Variants in SLC38A9 observed in about 807,000 individuals in gnomAD.
The protein encoded by SLC38A9 is solute carrier family 38 member 9, also known as neutral amino acid transporter 9.
Under a neutral mutation model 62.3 loss-of-function variants are expected in SLC38A9, and 48 were observed. That is an observed-to-expected ratio of 0.77 (90% CI 0.61 to 0.98). The LOEUF (loss-of-function observed/expected upper bound fraction) is 0.98, where lower values mean the gene tolerates loss of function less well. Ranked by LOEUF, SLC38A9 falls within the 50% of genes least tolerant of loss-of-function variation. The pLI is 0.00. For missense variants in SLC38A9, 541 were observed against 679.8 expected (o/e 0.80, Z 2.27); for synonymous variants, 204 against 227.7 (o/e 0.90, Z 0.94).
In SLC38A9 at chr5:55,697,895, G is replaced by A. The variant is rs780361798; in HGVS notation, c.64C>T (p.Pro22Ser). The A allele has an allele frequency of 1.9e-6, 3 of 1,599,608 alleles. No individual in the cohort carries two copies. Among genetic ancestry groups the A allele is most frequent in the Non-Finnish European group, 8.5e-7 (1 of 1,175,788 alleles). Residue 22 changes from proline (P) to serine (S), a missense_variant, in exon 3 of 16, where the codon CCT becomes TCT. Physicochemically the swap from Pro to Ser is moderately conservative, Grantham distance 74. Transcript: ENST00000396865. Reference protein sequence around the residue: ...GTSEVDHERDPGPMNIQFEPS... With the variant: ...GTSEVDHERDSGPMNIQFEPS... ...TCAAACTGGATATTCATAGGTCCAG[G>A]ATCTCTTTCATGATCTACCTCAGAG...
intron 3 of SLC38A9, among the ~76,000 whole-genome samples, chr5:55,679,992 G>A (rs765071031): frequency 8.5e-5 from 13 of 152,134 alleles, no homozygotes; most frequent in Non-Finnish European, 1.8e-4. Context: ...TATAAATAAA[G>A]AGTAACTGCA....
chr5:55,650,420 A>G (rs992401018), intron 10 of SLC38A9, among the ~76,000 whole-genome samples: 2 of 152,248 alleles, frequency 1.3e-5, no homozygotes, highest in African/African-American at 4.8e-5. Context: ...GAATATCCTT[A>G]AGGAGCTGAA....
At chr5:55,629,579 T>G (rs1021213083) in intron 14 of SLC38A9, among the ~76,000 whole-genome samples, 1 of 152,318 alleles carries the variant, frequency 6.6e-6, no homozygotes, top group African/African-American at 2.4e-5. Flanking sequence ...GAAAAGTACC[T>G]GTGTGGCTGA....
At chr5:55,636,836 T>C (rs1744464374) in intron 12 of SLC38A9, among the ~76,000 whole-genome samples, 1 of 152,336 alleles carries the variant, frequency 6.6e-6, no homozygotes, top group East Asian at 1.9e-4. Flanking sequence ...TAAAGGCTTA[T>C]GCAGATTGGT....
intron 3 of SLC38A9, among the ~76,000 whole-genome samples, chr5:55,680,870 A>C (rs1292528796): frequency 1.3e-5 from 2 of 152,264 alleles, no homozygotes; most frequent in Non-Finnish European, 2.9e-5. Flanking sequence ...GCCTGATCAG[A>C]ATCTATTGCT....
At chr5:55,649,071 T>G in intron 11 of SLC38A9, 136 bp downstream of exon 11, 1 of 481,668 alleles carries the variant, frequency 2.1e-6, no homozygotes, top group South Asian at 5.1e-5. Flanking sequence ...TAATCTCAAC[T>G]GTAGTCCTGT....
intron 3 of SLC38A9, chr5:55,696,513 G>C (rs1296367009): frequency 2.3e-5 from 1 of 42,916 alleles, no homozygotes; most frequent in Admixed American, 1.9e-4. Flanking sequence ...GCGGCTGGCC[G>C]GGCGGGGGGC....
At chr5:55,647,347 G>A (rs1469128199) in intron 11 of SLC38A9, among the ~76,000 whole-genome samples, 1 of 152,102 alleles carries the variant, frequency 6.6e-6, no homozygotes, top group Non-Finnish European at 1.5e-5. Flanking sequence ...ATGATTTTAT[G>A]TAGAATAAAA....
intron 4 of SLC38A9, among the ~76,000 whole-genome samples, chr5:55,671,434 G>C (rs1353380319): frequency 6.6e-6 from 1 of 150,924 alleles, no homozygotes; most frequent in Non-Finnish European, 1.5e-5. Context: ...TCCTGGTTTT[G>C]ATCAATAAAA....
At chr5:55,701,867 A>C (rs1252763297) in intron 2 of SLC38A9, among the ~76,000 whole-genome samples, 1 of 152,214 alleles carries the variant, frequency 6.6e-6, no homozygotes, top group East Asian at 1.9e-4. Context: ...TTGGAATTAA[A>C]AACGAGGCAG....
chr5:55,670,703 G>A (rs1751170091), intron 4 of SLC38A9, among the ~76,000 whole-genome samples: 1 of 152,104 alleles, frequency 6.6e-6, no homozygotes, highest in South Asian at 2.1e-4. Flanking sequence ...TATACATGCA[G>A]GTATAAACTT....
chr5:55,676,693 A>G (rs1442518318), intron 3 of SLC38A9, among the ~76,000 whole-genome samples: 1 of 152,174 alleles, frequency 6.6e-6, no homozygotes, highest in Non-Finnish European at 1.5e-5. Context: ...ACTGCTCCGA[A>G]TTTGAAGACT....
chr5:55,656,341 T>C (rs943656589), intron 9 of SLC38A9, among the ~76,000 whole-genome samples: 9 of 151,790 alleles, frequency 5.9e-5, no homozygotes, highest in East Asian at 1.9e-4. Context: ...ACTAAAACAA[T>C]AGACCTCTAA....
chr5:55,697,502 T>C (rs1464772315), intron 3 of SLC38A9, among the ~76,000 whole-genome samples: 1 of 152,186 alleles, frequency 6.6e-6, no homozygotes, highest in African/African-American at 2.4e-5. Context: ...ATGAAGATTT[T>C]CTATTACTTT....
chr5:55,708,849 G>A (rs1757634995), intron 2 of SLC38A9, among the ~76,000 whole-genome samples: 1 of 152,168 alleles, frequency 6.6e-6, no homozygotes, highest in Admixed American at 6.5e-5. Context: ...GCATGGCTGT[G>A]TTCCAATAGA....
chr5:55,662,103 A>C (rs1039177503), intron 8 of SLC38A9, among the ~76,000 whole-genome samples: 1 of 152,230 alleles, frequency 6.6e-6, no homozygotes, highest in Non-Finnish European at 1.5e-5. Context: ...TAAGGTTGAA[A>C]ATGTGAATAT....
At chr5:55,635,276 T>G (rs1031513892) in intron 13 of SLC38A9, 1 of 482,840 alleles carries the variant, frequency 2.1e-6, no homozygotes, top group African/African-American at 1.9e-5. Flanking sequence ...TTTATTTGAG[T>G]ACCACAAGGT....
chr5:55,692,429 T>C (rs1335583151), intron 3 of SLC38A9, among the ~76,000 whole-genome samples: 1 of 151,588 alleles, frequency 6.6e-6, no homozygotes, highest in Non-Finnish European at 1.5e-5. Context: ...TTTATATATG[T>C]AATGTGAAGT....
intron 3 of SLC38A9, among the ~76,000 whole-genome samples, chr5:55,690,198 C>T (rs1418899596): frequency 6.6e-6 from 1 of 152,026 alleles, no homozygotes; most frequent in Non-Finnish European, 1.5e-5. Context: ...CGCTATGTTG[C>T]CCAGGCTGGT....
Sources: gnomAD v4.1 joint callset for allele counts (sites outside exome capture counted in the v4.1 genomes callset) on GRCh38, gnomAD v4.1.1 for gene constraint, MANE v1.5 for transcripts, NCBI Gene and HGNC (gene_info 2026-07-23, HGNC 2026-07-21) for gene names.